CHODL: variants seen among roughly 807,000 people sequenced by gnomAD.
CHODL encodes the protein chondrolectin.
A neutral mutation model predicts 34.5 loss-of-function variants in CHODL; 29 were observed. The ratio of observed to expected loss-of-function variants is 0.84; its 90% CI spans 0.63 to 1.15. The LOEUF is 1.15. CHODL is among the 50% of genes most tolerant of loss of function. CHODL has a pLI of 0.00. For synonymous variants in CHODL, 125 were observed against 116.1 expected (o/e 1.08, Z -0.49); for missense variants, 332 against 332.5 (o/e 1.00, Z 0.01).
chr21:17,929,321 G>A (rs2063252704), intron 1 of CHODL, among the ~76,000 whole-genome samples: 1 of 152,120 alleles, frequency 6.6e-6, no homozygotes, highest in African/African-American at 2.4e-5. Flanking sequence ...CCATTTTAAT[G>A]ACATATTTAA....
At chr21:18,115,197 C>CA (rs2065397654) in intron 2 of CHODL, among the ~76,000 whole-genome samples, 1 of 152,278 alleles carries the variant, frequency 6.6e-6, no homozygotes, top group East Asian at 1.9e-4. Flanking sequence ...TGGGAAACGC[C>CA]AGTTGCTGTA....
chr21:18,185,521 T>C (rs1417990506), intron 2 of CHODL, among the ~76,000 whole-genome samples: 3 of 152,124 alleles, frequency 2.0e-5, no homozygotes, highest in Admixed American at 2.0e-4. Flanking sequence ...TGACTTACAA[T>C]CCTTTGGGAT....
At chr21:18,124,720 C>T (rs373106304) in intron 2 of CHODL, among the ~76,000 whole-genome samples, 6 of 152,142 alleles carry the variant, frequency 3.9e-5, no homozygotes, top group Non-Finnish European at 7.4e-5. Flanking sequence ...AAGTTTAGGA[C>T]GTTTGAACTG....
rs573201324 is a variant in CHODL, at chr21:17,935,697, A to G, written c.-145+18297A>G. The stretch of plus-strand genomic sequence containing the variant: ...CTATACCAGCAGTGTATCCTGATAT[A>G]TTAAATCTCTAAAGAGTGTAGCATG... On this transcript the variant is annotated intron_variant, in intron 1 of 6. Transcript: ENST00000400127. 2.0e-5 allele frequency among the ~76,000 whole-genome samples: 3 copies of G among 152,366 alleles called. No individual in the cohort carries two copies. The South Asian group carries it at 6.2e-4, about 32-fold the overall frequency.
intron 2 of CHODL, among the ~76,000 whole-genome samples, chr21:18,074,264 G>A (rs2064839075): frequency 6.6e-6 from 1 of 152,108 alleles, no homozygotes; most frequent in East Asian, 1.9e-4. Context: ...AGAACAATGA[G>A]AATTGCTAAA....
intron 1 of CHODL, among the ~76,000 whole-genome samples, chr21:17,919,577 A>G (rs1336874175): frequency 6.6e-6 from 1 of 151,794 alleles, no homozygotes; most frequent in Non-Finnish European, 1.5e-5. Context: ...TTCCTCCTAA[A>G]TCTCCAAGCC....
chr21:18,093,962 C>A (rs1478596159), intron 2 of CHODL, among the ~76,000 whole-genome samples: 1 of 151,948 alleles, frequency 6.6e-6, no homozygotes, highest in African/African-American at 2.4e-5. Context: ...ATCCAATGAT[C>A]TATGCTTACA....
At chr21:18,080,460 T>C (rs1178112615) in intron 2 of CHODL, among the ~76,000 whole-genome samples, 1 of 152,218 alleles carries the variant, frequency 6.6e-6, no homozygotes, top group East Asian at 1.9e-4. Flanking sequence ...ATTGATAGTT[T>C]CAAGTTCTAT....
rs148633288 is a variant in CHODL, at chr21:18,129,620, G to T, written c.-45+101649G>T. On this transcript the variant is annotated intron_variant, in intron 2 of 6. Coordinates refer to the CHODL transcript ENST00000400127. Reference sequence around the variant, plus strand: ...GGTTGAGTGATCCTAACATCATCTGGCATTGGTTTACCTTCAACAGATCCT... The same window carrying T: ...GGTTGAGTGATCCTAACATCATCTGTCATTGGTTTACCTTCAACAGATCCT... Among the ~76,000 whole-genome samples the T allele has an allele frequency of 1.2e-4, 19 of 152,248 alleles. No individual in the cohort carries two copies. In the East Asian group the frequency reaches 3.3e-3, roughly 26 times the overall value.
intron 2 of CHODL, among the ~76,000 whole-genome samples, chr21:18,044,296 A>G (rs1010004473): frequency 7.2e-5 from 11 of 152,060 alleles, no homozygotes; most frequent in Admixed American, 2.0e-4. Flanking sequence ...TTGTATTTAC[A>G]TTTAAAACTA....
At chr21:18,177,801 GT>G (rs1266874643) in intron 2 of CHODL, among the ~76,000 whole-genome samples, 2 of 152,074 alleles carry the variant, frequency 1.3e-5, no homozygotes, top group Non-Finnish European at 2.9e-5. Flanking sequence ...AATTAACTGA[GT>G]TTATTCCATT....
chr21:17,995,869 T>C (rs2063844191), intron 1 of CHODL, among the ~76,000 whole-genome samples: 1 of 152,198 alleles, frequency 6.6e-6, no homozygotes, highest in Admixed American at 6.5e-5. Context: ...GCCCCAAATC[T>C]CATTTACTTT....
intron 1 of CHODL, among the ~76,000 whole-genome samples, chr21:17,945,641 A>G (rs2063401187): frequency 6.6e-6 from 1 of 152,190 alleles, no homozygotes; most frequent in Admixed American, 6.5e-5. Context: ...AATCACAGGA[A>G]TTCCAGAAGG....
chr21:17,978,944 A>G (rs1885619782), intron 1 of CHODL, among the ~76,000 whole-genome samples: 1 of 152,068 alleles, frequency 6.6e-6, no homozygotes, highest in African/African-American at 2.4e-5. Flanking sequence ...CATGCACATG[A>G]GTTCCTGCAT....
intron 2 of CHODL, among the ~76,000 whole-genome samples, chr21:18,219,471 G>A (rs964686698): frequency 6.6e-6 from 1 of 152,114 alleles, no homozygotes; most frequent in Non-Finnish European, 1.5e-5. Context: ...TGAGATTTGG[G>A]TGGGGACACA....
At chr21:18,220,146 C>T (rs550122926) in intron 2 of CHODL, among the ~76,000 whole-genome samples, 14 of 152,218 alleles carry the variant, frequency 9.2e-5, no homozygotes, top group Admixed American at 2.0e-4. Context: ...CATAACTACT[C>T]TTGCATGCTT....
chr21:18,133,866 A>G (rs1738129369), intron 2 of CHODL, among the ~76,000 whole-genome samples: 1 of 152,156 alleles, frequency 6.6e-6, no homozygotes, highest in Non-Finnish European at 1.5e-5. Flanking sequence ...TGGGAGTCCC[A>G]TCTCTTCTGC....
At chr21:18,181,817 C>T (rs1251973395) in intron 2 of CHODL, among the ~76,000 whole-genome samples, 4 of 152,214 alleles carry the variant, frequency 2.6e-5, no homozygotes, top group Non-Finnish European at 4.4e-5. Flanking sequence ...TGACTGACTT[C>T]TTTCACTTAG....
At chr21:18,075,154 G>A (rs537685789) in intron 2 of CHODL, among the ~76,000 whole-genome samples, 1 of 152,210 alleles carries the variant, frequency 6.6e-6, no homozygotes, top group Admixed American at 6.5e-5. Context: ...GAAAATGCAG[G>A]AAATTCATTC....
Sources: allele counts gnomAD v4.1 joint callset (sites outside exome capture counted in the v4.1 genomes callset), GRCh38; gene constraint gnomAD v4.1.1; transcripts MANE v1.5; gene names NCBI Gene and HGNC (gene_info 2026-07-23, HGNC 2026-07-21).